Variants in CNGB3 observed in about 807,000 individuals in gnomAD.
CNGB3 encodes cyclic nucleotide-gated channel beta-3.
A neutral mutation model predicts 92.8 loss-of-function variants in CNGB3; 86 were observed. The ratio of observed to expected loss-of-function variants is 0.93; its 90% CI spans 0.78 to 1.11. CNGB3 has a LOEUF of 1.11. CNGB3 is among the 50% of genes least tolerant of loss of function. The pLI is 0.00. For missense variants in CNGB3, 1,026 were observed against 956.8 expected (o/e 1.07, Z -0.95); for synonymous variants, 333 against 332.7 (o/e 1.00, Z -0.01).
At chr8:86,641,653 T>A (rs960618969) in intron 10 of CNGB3, among the ~76,000 whole-genome samples, 11 of 151,792 alleles carry the variant, frequency 7.2e-5, no homozygotes, top group Non-Finnish European at 1.0e-4. Flanking sequence ...CCCCTTATAC[T>A]AATTTAGAAG....
intron 3 of CNGB3, among the ~76,000 whole-genome samples, chr8:86,720,469 T>C (rs1318643720): frequency 6.6e-6 from 1 of 151,728 alleles, no homozygotes; most frequent in Non-Finnish European, 1.5e-5. Flanking sequence ...ACTCCTGCAA[T>C]AATGGCCATA....
intron 2 of CNGB3, among the ~76,000 whole-genome samples, chr8:86,727,000 G>A (rs1825071469): frequency 6.6e-6 from 1 of 152,106 alleles, no homozygotes; most frequent in South Asian, 2.1e-4. Flanking sequence ...AGGCTATACG[G>A]TATACTCTAT....
At chr8:86,679,025 T>G (rs1452430534) in intron 3 of CNGB3, among the ~76,000 whole-genome samples, 2 of 152,166 alleles carry the variant, frequency 1.3e-5, no homozygotes, top group Non-Finnish European at 2.9e-5. Flanking sequence ...CTTTTACCAT[T>G]TTTTCTCTGT....
intron 15 of CNGB3, among the ~76,000 whole-genome samples, chr8:86,602,562 A>G (rs1563722999): frequency 6.6e-6 from 1 of 152,166 alleles, no homozygotes; most frequent in Non-Finnish European, 1.5e-5. Context: ...TTCATTAGCA[A>G]TGGTGTCCTG....
At chr8:86,626,142 G>T (rs1822843031) in intron 12 of CNGB3, 62 bp from the exon 13 acceptor site, 3 of 1,317,120 alleles carry the variant, frequency 2.3e-6, no homozygotes, top group Non-Finnish European at 3.3e-6. Context: ...AGTCACCAAG[G>T]TACAAGTAGA....
chr8:86,669,189 G>A (rs1467387678), intron 4 of CNGB3, among the ~76,000 whole-genome samples: 3 of 151,606 alleles, frequency 2.0e-5, no homozygotes, highest in Admixed American at 2.0e-4. Flanking sequence ...AAATAATTGA[G>A]CTGTACACTT....
At chr8:86,720,895 ACTC>A (rs1824960239) in intron 3 of CNGB3, among the ~76,000 whole-genome samples, 1 of 149,074 alleles carries the variant, frequency 6.7e-6, no homozygotes, top group Middle Eastern at 3.5e-3. Context: ...ATGGAATACT[ACTC>A]AGCCATGAAA....
chr8:86,591,658 CAG>C (rs1464863224), intron 15 of CNGB3, among the ~76,000 whole-genome samples: 1 of 152,210 alleles, frequency 6.6e-6, no homozygotes, highest in African/African-American at 2.4e-5. Flanking sequence ...GCTCAGGGGT[CAG>C]GGGTGAGGGA....
At chr8:86,727,223 G>A (rs542501178) in intron 2 of CNGB3, among the ~76,000 whole-genome samples, 1 of 152,262 alleles carries the variant, frequency 6.6e-6, no homozygotes, top group Admixed American at 6.5e-5. Flanking sequence ...GGTGTATTAT[G>A]TAATAAAAGT....
At chr8:86,739,541 A>T (rs1825303870) in intron 2 of CNGB3, 114 bp downstream of exon 2, 1 of 1,489,184 alleles carries the variant, frequency 6.7e-7, no homozygotes, top group South Asian at 1.2e-5. Context: ...CCTCAGTATG[A>T]CCCTAGATAA....
chr8:86,625,510 G>A (rs965787507), intron 13 of CNGB3, among the ~76,000 whole-genome samples: 3 of 151,588 alleles, frequency 2.0e-5, no homozygotes, highest in African/African-American at 7.3e-5. Flanking sequence ...TTTTTTTCCT[G>A]AAACAAAAAG....
Position 86,632,140 on chromosome 8 carries a change from A to T in CNGB3, c.1320+612T>A, listed in dbSNP as rs142949424. Among the ~76,000 whole-genome samples the T allele has an allele frequency of 4.9e-5, 7 of 143,626 alleles. No homozygotes were observed. In the East Asian group the frequency reaches 1.5e-3, roughly 32 times the overall value. 94.2% of individuals were successfully genotyped at this position (143,626 alleles called of 152,430 possible). A position where few individuals can be genotyped will look rare whatever the true frequency, so the allele number is the denominator to read the frequency against. ...CTTGAGCCCAGGAGGCTGAGGCTGC[A>T]GTGAGCCATGTTTGTGCCACTGCTC... On this transcript the variant is annotated intron_variant, in intron 11 of 17. Coordinates refer to ENST00000320005, the MANE Select transcript of CNGB3 (RefSeq NM_019098.5).
At chr8:86,582,019 T>A (rs1369808398) in intron 15 of CNGB3, among the ~76,000 whole-genome samples, 1 of 151,960 alleles carries the variant, frequency 6.6e-6, no homozygotes, top group Non-Finnish European at 1.5e-5. Flanking sequence ...AACAAAAAAA[T>A]TATAAGGAAT....
At chr8:86,647,960 G>A (rs1300467878) in intron 7 of CNGB3, 73 bp from the exon 8 acceptor site, 11 of 899,454 alleles carry the variant, frequency 1.2e-5, no homozygotes, top group Non-Finnish European at 1.3e-5. Flanking sequence ...TTACGCTGAT[G>A]TCTGTAAAAG....
chr8:86,642,932 C>T (rs191749299), intron 10 of CNGB3, among the ~76,000 whole-genome samples: 75 of 151,656 alleles, frequency 4.9e-4, no homozygotes, highest in African/African-American at 1.6e-3. Context: ...CACTGGTAAA[C>T]TAATTAGCCA....
chr8:86,710,261 G>T (rs1387186000), intron 3 of CNGB3, among the ~76,000 whole-genome samples: 1 of 152,138 alleles, frequency 6.6e-6, no homozygotes, highest in Non-Finnish European at 1.5e-5. Context: ...TACTACTTTT[G>T]CTATTTCCCA....
At chr8:86,635,821 GAT>G (rs57486853) in intron 10 of CNGB3, among the ~76,000 whole-genome samples, 6,314 of 60,394 alleles carry the variant, frequency 0.1, 250 homozygotes, top group Middle Eastern at 0.2. Context: ...TATAACACAT[GAT>G]ATATATATAT....
chr8:86,683,249 C>A (rs1031448711), intron 3 of CNGB3, among the ~76,000 whole-genome samples: 1 of 152,016 alleles, frequency 6.6e-6, no homozygotes, highest in African/African-American at 2.4e-5. Context: ...ACTCTGAGTG[C>A]CAAATTAATG....
chr8:86,733,159 GT>G (rs1021300117), intron 2 of CNGB3, among the ~76,000 whole-genome samples: 5 of 152,044 alleles, frequency 3.3e-5, no homozygotes, highest in Non-Finnish European at 5.9e-5. Flanking sequence ...AGTACCCAGT[GT>G]TTAGCTTACA....
Sources: gnomAD v4.1 joint callset for allele counts (sites outside exome capture counted in the v4.1 genomes callset) on GRCh38, gnomAD v4.1.1 for gene constraint, MANE v1.5 for transcripts, NCBI Gene and HGNC (gene_info 2026-07-23, HGNC 2026-07-21) for gene names.